Variants in LCTL observed in about 807,000 individuals in gnomAD.
LCTL encodes the protein lactase like, also known as lactase-like protein.
LCTL carries 76 observed loss-of-function variants against 75.8 expected under a neutral mutation model. The observed-to-expected ratio is 1.00, with a 90% confidence interval of 0.83 to 1.21. LCTL has a LOEUF of 1.21. Among genes scored for constraint, LCTL ranks in the 50% most tolerant of loss-of-function variants. The pLI is 0.00. For missense variants in LCTL, 670 were observed against 712.4 expected (o/e 0.94, Z 0.68); for synonymous variants, 271 against 268.8 (o/e 1.01, Z -0.08).
chr15:66,559,508 C>G (rs942683746), intron 6 of LCTL, among the ~76,000 whole-genome samples: 3 of 152,130 alleles, frequency 2.0e-5, no homozygotes, highest in African/African-American at 7.2e-5. Context: ...GAGTTGGAGA[C>G]CAGCCTGGCC....
rs1451417537 is a variant in LCTL, at chr15:66,564,777, TC to T, written c.180del (p.Pro63LeufsTer23). The T allele has an allele frequency of 3.1e-6, 5 of 1,613,600 alleles. No homozygotes were observed. The highest frequency in any genetic ancestry group is 4.2e-6 in the Non-Finnish European group (5 of 1,179,992). On this transcript the variant is annotated frameshift_variant, in exon 2 of 13. Coordinates refer to ENST00000341509, the Ensembl canonical transcript of LCTL. LOFTEE classifies it high-confidence loss of function. ...AAGACGTCCCAGATGCTAGGCCCTT[TC>T]CCGTCCTGGTCCCAGGCGCCCTCCG...
chr15:66,564,354 T>C, intron 2 of LCTL: 1 of 465,502 alleles, frequency 2.1e-6, no homozygotes, highest in Non-Finnish European at 3.9e-6. Context: ...GGACCAGGGG[T>C]TCAGGCCACT....
intron 9 of LCTL, among the ~76,000 whole-genome samples, chr15:66,552,686 A>G (rs1029130016): frequency 7.0e-6 from 1 of 142,388 alleles, no homozygotes. Flanking sequence ...AAAAAAAAAA[A>G]AAACATTGTT....
At chr15:66,552,196 T>C (rs762027399) in intron 9 of LCTL, 27 bp from the exon 11 acceptor site, 27 of 1,592,866 alleles carry the variant, frequency 1.7e-5, no homozygotes, top group Non-Finnish European at 2.2e-5. Context: ...GCAACAAATA[T>C]CTTAAAAATT....
Position 66,551,745 on chromosome 15 carries a change from T to C in LCTL, c.1441A>G (p.Arg481Gly), listed in dbSNP as rs921608055. 6.8e-6 allele frequency: 11 copies of C among 1,613,962 alleles called. No individual in the cohort carries two copies. In the Admixed American group the frequency reaches 8.3e-5, roughly 12 times the overall value. The change falls in exon 11 of 13, where the codon AGA becomes GGA. Residue 481 changes from arginine to glycine, a missense_variant. By Grantham distance (125) the Arg-to-Gly change is moderately radical. Transcript: ENST00000341509. Reference sequence around the variant, plus strand: ...GCCTTTGGATAGCGAGGCTTATTTCTGTCGTTAAATTCAACATAGTAGAAT... The same window carrying C: ...GCCTTTGGATAGCGAGGCTTATTTCCGTCGTTAAATTCAACATAGTAGAAT...
At chr15:66,558,296 C>T (rs1424899366) in intron 6 of LCTL, among the ~76,000 whole-genome samples, 1 of 152,146 alleles carries the variant, frequency 6.6e-6, no homozygotes, top group Non-Finnish European at 1.5e-5. Flanking sequence ...CTAAAGTTTC[C>T]TGTTTTGTTC....
chr15:66,562,721 T>C (rs375402103), intron 4 of LCTL, among the ~76,000 whole-genome samples: 5 of 152,088 alleles, frequency 3.3e-5, no homozygotes, highest in Admixed American at 2.0e-4. Flanking sequence ...GTAGCTGGGA[T>C]TATAGGCGCC....
chr15:66,548,323 T>G, exon 13 of LCTL: 1 of 418,882 alleles, frequency 2.4e-6, no homozygotes, highest in South Asian at 7.4e-5. Context: ...TTTCTGCTTA[T>G]TTTTATTTTC....
Position 66,563,608 on chromosome 15 carries a change from T to A in LCTL, c.388A>T (p.Lys130Ter), listed in dbSNP as rs776202593. Reference sequence around the variant, plus strand: ...AGATCACTGTAGAATTCGATTCCCTTCTTGTTCACCTGCTCGGCTGCAGGT... The same window carrying A: ...AGATCACTGTAGAATTCGATTCCCTACTTGTTCACCTGCTCGGCTGCAGGT... Residue 130 changes from lysine to a stop codon, truncating the protein, a stop_gained, in exon 4 of 13, where the codon AAG (lysine) becomes TAG (stop). Transcript: ENST00000341509. LOFTEE classifies it high-confidence loss of function. 6.2e-7 allele frequency: 1 copy of A among 1,610,372 alleles called. No individual in the cohort carries two copies. Among genetic ancestry groups the A allele is most frequent in the Non-Finnish European group, 8.5e-7 (1 of 1,177,954 alleles).
intron 1 of LCTL, 127 bp from the exon 3 acceptor site, chr15:66,564,966 G>GC: frequency 2.3e-6 from 2 of 859,396 alleles, no homozygotes; most frequent in Non-Finnish European, 3.6e-6. Context: ...TCCCACTGGG[G>GC]ACTTGTCTTC....
At chr15:66,551,785 G>A (rs752808569) in exon 11 of LCTL, 2 of 1,613,756 alleles carry the variant, frequency 1.2e-6, no homozygotes, top group South Asian at 2.2e-5. Flanking sequence ...ATCTATCTGA[G>A]TATCCTTTCT....
At chr15:66,550,185 G>T in intron 11 of LCTL, 81 bp from the exon 13 acceptor site, 3 of 756,708 alleles carry the variant, frequency 4.0e-6, no homozygotes, top group South Asian at 1.7e-5. Flanking sequence ...ATAAATGTGG[G>T]GTAAAAGTAA....
intron 9 of LCTL, among the ~76,000 whole-genome samples, chr15:66,552,544 G>A (rs993943400): frequency 1.3e-5 from 2 of 151,948 alleles, no homozygotes; most frequent in South Asian, 2.1e-4. Context: ...GGTGGCATAC[G>A]CCTGTAATCC....
rs552378815 is a variant in LCTL at position 66,556,932 on chromosome 15, T to TA, written c.922+789dup. Among the ~76,000 whole-genome samples the TA allele has an allele frequency of 3.3e-3, 475 of 145,102 alleles. 2 individuals carry two copies. Among genetic ancestry groups the TA allele is most frequent in the African/African-American group, 0.012 (450 of 37,932 alleles). ...ACATTTTATGTGTATTTTGCCACAA[T>TA]AAAAAAAAATTGGGGAAAAAAATGG... On this transcript the variant is annotated intron_variant, in intron 8 of 12. Transcript: ENST00000341509.
At chr15:66,562,159 T>C (rs1895904420) in intron 4 of LCTL, among the ~76,000 whole-genome samples, 1 of 152,084 alleles carries the variant, frequency 6.6e-6, no homozygotes, top group Non-Finnish European at 1.5e-5. Context: ...TCCTAGCACT[T>C]TGGGAGGCCG....
intron 11 of LCTL, 79 bp from the exon 13 acceptor site, chr15:66,550,183 G>T: frequency 1.3e-6 from 1 of 772,700 alleles, no homozygotes; most frequent in South Asian, 1.6e-5. Flanking sequence ...AAATAAATGT[G>T]GGGTAAAAGT....
At chr15:66,563,801 A>C in intron 3 of LCTL, 110 bp downstream of exon 4, 1 of 931,466 alleles carries the variant, frequency 1.1e-6, no homozygotes, top group Non-Finnish European at 1.7e-6. Context: ...TACCGTCAGC[A>C]ACTACGTTCA....
chr15:66,564,860 T>C, intron 1 of LCTL, 21 bp from the exon 3 acceptor site: 1 of 1,604,256 alleles, frequency 6.2e-7, no homozygotes, highest in Non-Finnish European at 8.5e-7. Flanking sequence ...AGACCCGTGC[T>C]GGGTCCCAGG....
At chr15:66,561,452 A>C (rs1019096054) in intron 4 of LCTL, 137 bp from the exon 6 acceptor site, 1 of 942,358 alleles carries the variant, frequency 1.1e-6, no homozygotes. Flanking sequence ...CCTAGAAAGA[A>C]CTGGATGGAT....
Sources: allele counts gnomAD v4.1 joint callset (sites outside exome capture counted in the v4.1 genomes callset), GRCh38; gene constraint gnomAD v4.1.1; transcripts MANE v1.5; gene names NCBI Gene and HGNC (gene_info 2026-07-23, HGNC 2026-07-21).